Variants in EYS observed in about 807,000 individuals in gnomAD.
The protein encoded by EYS is EGF-like photoreceptor maintenance factor, also known as protein eyes shut homolog.
In EYS, 250 loss-of-function variants were observed where a neutral mutation model predicts 282.1. The ratio of observed to expected loss-of-function variants is 0.89; its 90% confidence interval spans 0.80 to 0.98. EYS has a LOEUF of 0.98. Among genes scored for constraint, EYS ranks in the 50% least tolerant of loss-of-function variants. The probability of loss-of-function intolerance (pLI) is 0.00; values close to 1 mark genes in which losing one functional copy is unlikely to be tolerated. For synonymous variants in EYS, 1,355 were observed against 1,282.9 expected, an observed-to-expected ratio of 1.06 and a Z score of -1.20; for missense variants, 4,016 against 3,709.0, an observed-to-expected ratio of 1.08 and a Z score of -2.15.
At chr6:64,913,076 T>A (rs981407320) in intron 15 of EYS, among the ~76,000 whole-genome samples, 1 of 152,060 alleles carries the variant, frequency 6.6e-6, no homozygotes, top group Non-Finnish European at 1.5e-5. Context: ...TAATATAAGT[T>A]TTACAGATGA....
At chr6:64,909,187 G>A (rs984079544) in intron 16 of EYS, among the ~76,000 whole-genome samples, 4 of 152,026 alleles carry the variant, frequency 2.6e-5, no homozygotes, top group African/African-American at 9.7e-5. Flanking sequence ...ACACATCATA[G>A]GAAATCAGTA....
At chr6:65,214,303 G>GGAAT (rs992101777) in intron 12 of EYS, among the ~76,000 whole-genome samples, 1 of 151,252 alleles carries the variant, frequency 6.6e-6, no homozygotes, top group African/African-American at 2.4e-5. Context: ...AGTGATACAA[G>GGAAT]GAATGATAAG....
rs373584729 is a variant in EYS, at chr6:65,335,108, G to C, written c.1638C>G (p.Asp546Glu). ...ANGCSCLSEE[D>E]SQEYRYLCFL... Reference sequence around the variant, plus strand: ...AACATAGATACCGATATTCCTGACTGTCTTCTTCACTCAAACAACTGCATC... The same window carrying C: ...AACATAGATACCGATATTCCTGACTCTCTTCTTCACTCAAACAACTGCATC... Residue 546 changes from aspartate to glutamate, a missense_variant, in exon 11 of 43, where the codon GAC becomes GAG. By Grantham distance (45) the Asp-to-Glu change is conservative. Transcript: ENST00000503581. The C allele has an allele frequency of 6.2e-7, 1 of 1,611,766 alleles. No individual in the cohort carries two copies. Among genetic ancestry groups the C allele is most frequent in the East Asian group, 2.2e-5 (1 of 44,764 alleles).
chr6:65,266,637 A>G (rs1010269505), intron 12 of EYS, among the ~76,000 whole-genome samples: 18 of 151,932 alleles, frequency 1.2e-4, no homozygotes, highest in Non-Finnish European at 2.9e-5. Flanking sequence ...TTTTGCATCA[A>G]TGTTCATCAG....
At chr6:65,285,036 C>T (rs1768321740) in intron 12 of EYS, among the ~76,000 whole-genome samples, 1 of 151,450 alleles carries the variant, frequency 6.6e-6, no homozygotes, top group Admixed American at 6.6e-5. Context: ...CTATGTTTTT[C>T]TATTAAAGGT....
chr6:63,896,881 C>G (rs113094578), intron 35 of EYS, among the ~76,000 whole-genome samples: 1 of 152,076 alleles, frequency 6.6e-6, no homozygotes, highest in Admixed American at 6.5e-5. Flanking sequence ...TTTCACGTCT[C>G]AATAGGTCAT....
chr6:65,306,200 C>G (rs1768999394), intron 11 of EYS, among the ~76,000 whole-genome samples: 1 of 152,256 alleles, frequency 6.6e-6, no homozygotes, highest in Middle Eastern at 3.4e-3. Context: ...AAATCTGACC[C>G]CCACCTGTCA....
chr6:64,222,971 T>G (rs1412961890), intron 31 of EYS, among the ~76,000 whole-genome samples: 1 of 152,026 alleles, frequency 6.6e-6, no homozygotes, highest in African/African-American at 2.4e-5. Context: ...AAATCATTCT[T>G]ATATACTCAT....
intron 1 of EYS, among the ~76,000 whole-genome samples, chr6:65,698,317 T>C (rs1769532187): frequency 6.6e-6 from 1 of 152,138 alleles, no homozygotes; most frequent in Admixed American, 6.5e-5. Context: ...TTAATGAAGT[T>C]TTTGTCATAA....
At chr6:64,915,772 G>C (rs1019143422) in intron 15 of EYS, among the ~76,000 whole-genome samples, 1 of 152,074 alleles carries the variant, frequency 6.6e-6, no homozygotes, top group Non-Finnish European at 1.5e-5. Flanking sequence ...ATAAAGCTTT[G>C]AAATATGTAG....
intron 31 of EYS, among the ~76,000 whole-genome samples, chr6:64,205,003 T>C (rs901204253): frequency 5.9e-5 from 9 of 152,156 alleles, no homozygotes; most frequent in South Asian, 4.1e-4. Context: ...ATATTTCTGG[T>C]AAATTGTTAA....
At chr6:65,583,960 C>G (rs1205934607) in intron 2 of EYS, among the ~76,000 whole-genome samples, 3 of 134,478 alleles carry the variant, frequency 2.2e-5, no homozygotes, top group Non-Finnish European at 4.7e-5. Context: ...GAACATATTA[C>G]TTAAAATAAA....
At chr6:65,317,727 A>C (rs1014901401) in intron 11 of EYS, among the ~76,000 whole-genome samples, 5 of 152,060 alleles carry the variant, frequency 3.3e-5, no homozygotes, top group Non-Finnish European at 5.9e-5. Flanking sequence ...TCACTTGGAT[A>C]CCGACAGAGC....
chr6:64,393,721 C>G (rs983140490), intron 28 of EYS, among the ~76,000 whole-genome samples: 2 of 151,314 alleles, frequency 1.3e-5, no homozygotes, highest in Non-Finnish European at 3.0e-5. Context: ...AAAACTGGCA[C>G]AAGACAGGGA....
At chr6:64,083,279 G>A (rs189151886) in intron 31 of EYS, among the ~76,000 whole-genome samples, 66 of 152,178 alleles carry the variant, frequency 4.3e-4, no homozygotes, top group South Asian at 4.1e-3. Flanking sequence ...TAGTATTTCC[G>A]ATTATTTTTA....
chr6:65,559,917 G>T (rs941051291), intron 2 of EYS, among the ~76,000 whole-genome samples: 1 of 151,218 alleles, frequency 6.6e-6, no homozygotes, highest in Non-Finnish European at 1.5e-5. Flanking sequence ...TTAGTTCAAA[G>T]ATTTTTATTG....
chr6:65,120,564 A>C (rs1033283303), intron 12 of EYS, among the ~76,000 whole-genome samples: 1 of 150,430 alleles, frequency 6.6e-6, no homozygotes, highest in Non-Finnish European at 1.5e-5. Context: ...TGGAGTTTGT[A>C]TTAAAATGCA....
intron 14 of EYS, among the ~76,000 whole-genome samples, chr6:64,968,586 A>G (rs1455808425): frequency 2.0e-5 from 3 of 152,050 alleles, no homozygotes; most frequent in African/African-American, 7.2e-5. Flanking sequence ...AAGCAGTATT[A>G]TTTTTTTCAG....
chr6:65,266,989 TAGAGAG>T (rs1554173094), intron 12 of EYS, among the ~76,000 whole-genome samples: 4 of 142,070 alleles, frequency 2.8e-5, no homozygotes, highest in South Asian at 2.2e-4. Flanking sequence ...TATATATATA[TAGAGAG>T]AGAGAGAGAG....
Sources: allele counts gnomAD v4.1 joint callset (sites outside exome capture counted in the v4.1 genomes callset), GRCh38; gene constraint gnomAD v4.1.1; transcripts MANE v1.5; gene names NCBI Gene and HGNC (gene_info 2026-07-23, HGNC 2026-07-21).